LRRC57: variants seen among roughly 807,000 people sequenced by gnomAD.
The protein encoded by LRRC57 is leucine rich repeat containing 57.
Under a neutral mutation model 23.1 loss-of-function variants are expected in LRRC57, and 14 were observed. The observed-to-expected ratio is 0.61, with a 90% CI of 0.40 to 0.95. The LOEUF (loss-of-function observed/expected upper bound fraction) is 0.95. Ranked by LOEUF, LRRC57 falls within the 40% of genes least tolerant of loss-of-function variation. The pLI, the probability that LRRC57 is intolerant of heterozygous loss-of-function variation, is 0.00. For missense variants in LRRC57, 236 were observed against 284.4 expected, an observed-to-expected ratio of 0.83 and a Z score of 1.22; for synonymous variants, 106 against 115.2, an observed-to-expected ratio of 0.92 and a Z score of 0.51.
At chr15:42,528,412 C>T in the LRRC57 span, 6 of 1,614,076 alleles carry the variant, frequency 3.7e-6, no homozygotes, top group South Asian at 1.1e-5. Context: ...GTGGTGGATA[C>T]ATTAAACGGT....
chr15:42,529,106 C>T, the LRRC57 span, among the ~76,000 whole-genome samples: 1 of 152,208 alleles, frequency 6.6e-6, no homozygotes, highest in South Asian at 2.1e-4. Context: ...TCAGGCCATA[C>T]AGTCCCTTGC....
the LRRC57 span, chr15:42,529,922 C>T: frequency 2.4e-6 from 3 of 1,269,640 alleles, no homozygotes; most frequent in South Asian, 4.4e-5. Context: ...GAATAAGCTC[C>T]TGTCCTCATA....
chr15:42,544,842 C>CTATATATATATATATATATATATA (rs143066320), intron 5 of LRRC57, among the ~76,000 whole-genome samples: 52 of 98,030 alleles, frequency 5.3e-4, no homozygotes, highest in African/African-American at 3.3e-3. Flanking sequence ...CACACACACA[C>CTATATATATATATATATATATATA]TATATATATA....
the LRRC57 span, chr15:42,531,515 C>T: frequency 1.1e-5 from 16 of 1,480,450 alleles, no homozygotes; most frequent in Admixed American, 5.4e-5. Flanking sequence ...TATTCACTTC[C>T]GTAGCTCCTC....
chr15:42,534,811 CT>C (rs1387397817), downstream of LRRC57, among the ~76,000 whole-genome samples: 2 of 152,104 alleles, frequency 1.3e-5, no homozygotes, highest in Non-Finnish European at 2.9e-5. Flanking sequence ...GAAAAGAATA[CT>C]TTTTTTTCTG....
downstream of LRRC57, among the ~76,000 whole-genome samples, chr15:42,534,393 T>C (rs1360698570): frequency 6.6e-6 from 1 of 152,098 alleles, no homozygotes; most frequent in Non-Finnish European, 1.5e-5. Flanking sequence ...CCTCCGAAAG[T>C]GCTGGGGTTA....
downstream of LRRC57, among the ~76,000 whole-genome samples, chr15:42,537,239 A>T (rs890179350): frequency 1.5e-4 from 23 of 149,118 alleles, no homozygotes; most frequent in East Asian, 1.2e-3. Context: ...TCTCTCACAC[A>T]CACACACACA....
chr15:42,542,122 C>T lies in LRRC57; in HGVS notation c.*1961G>A, dbSNP rs1339941061. 1.3e-5 allele frequency: 2 copies of T among 150,628 alleles called. No homozygotes were observed. Among genetic ancestry groups the T allele is most frequent in the African/African-American group, 4.9e-5 (2 of 40,730 alleles). 9.3% of individuals were successfully genotyped at this position (150,628 alleles called of 1,614,324 possible). On this transcript the variant is annotated 3_prime_UTR_variant, in exon 6 of 6. Coordinates refer to ENST00000397130, the MANE Select transcript of LRRC57 (RefSeq NM_153260.3). ...CCAGGCTGGAGTTCAATGGCACCCT[C>T]ACTGCAAGCTCCGCCTCCCGGTTTC...
At chr15:42,544,840 C>CTATATATATATATAT (rs1167773259) in intron 5 of LRRC57, among the ~76,000 whole-genome samples, 8 of 108,980 alleles carry the variant, frequency 7.3e-5, no homozygotes, top group African/African-American at 4.0e-4. Context: ...CACACACACA[C>CTATATATATATATAT]ACTATATATA....
chr15:42,547,719 C>G (rs899914694), intron 3 of LRRC57, 190 bp from the exon 4 acceptor site: 1 of 614,178 alleles, frequency 1.6e-6, no homozygotes, highest in South Asian at 2.2e-5. Flanking sequence ...ATCAAAATGC[C>G]GGAGAGCATT....
chr15:42,529,842 A>G, the LRRC57 span: 15 of 1,608,972 alleles, frequency 9.3e-6, no homozygotes, highest in African/African-American at 1.9e-4. Flanking sequence ...TATTGCCACA[A>G]GAAAATGAGA....
the LRRC57 span, among the ~76,000 whole-genome samples, chr15:42,531,080 G>C: frequency 6.6e-6 from 1 of 152,162 alleles, no homozygotes; most frequent in Non-Finnish European, 1.5e-5. Context: ...CTTTAACAGA[G>C]AAGAGCACTC....
Position 42,548,181 on chromosome 15 carries a change from T to C in LRRC57, c.148A>G (p.Ile50Val). ...ATCAGCAAAGGCGGTAGGCTTTCGA[T>C]CTTGTTGTTGGACAAGTCGATGGTC... ...LRTIDLSNNK[I>V]ESLPPLLIGK... Residue 50 changes from isoleucine to valine, a missense_variant, in exon 3 of 6, where the codon ATC (isoleucine) becomes GTC (valine). Ile to Val is a conservative substitution (Grantham distance 29). Coordinates refer to ENST00000397130, the MANE Select transcript of LRRC57 (RefSeq NM_153260.3). The C allele has an allele frequency of 1.2e-6, 2 of 1,614,228 alleles. No homozygotes were observed. Among genetic ancestry groups the C allele is most frequent in the Non-Finnish European group, 1.7e-6 (2 of 1,180,042 alleles).
At chr15:42,528,502 C>A in the LRRC57 span, 1 of 1,258,478 alleles carries the variant, frequency 7.9e-7, no homozygotes, top group Non-Finnish European at 1.1e-6. Flanking sequence ...TACATGACCC[C>A]TAATAAAACA....
At chr15:42,544,167 GTAAA>G in intron 5 of LRRC57, 43 bp from the exon 6 acceptor site, 1 of 1,493,558 alleles carries the variant, frequency 6.7e-7, no homozygotes, top group East Asian at 2.3e-5. Context: ...TTTGGCATGA[GTAAA>G]TAAATATAAG....
downstream of LRRC57, among the ~76,000 whole-genome samples, chr15:42,533,680 C>A (rs2057585051): frequency 1.3e-5 from 2 of 152,202 alleles, no homozygotes; most frequent in South Asian, 4.1e-4. Flanking sequence ...AATTTTCACT[C>A]TAGCTGAAGT....
At chr15:42,537,233 T>TCTCACACACACACA (rs1166056089), downstream of LRRC57, among the ~76,000 whole-genome samples, 3 of 136,504 alleles carry the variant, frequency 2.2e-5, no homozygotes, top group African/African-American at 9.1e-5. Context: ...TCTCTCTCTC[T>TCTCACACACACACA]CACACACACA....
chr15:42,543,878 T>C lies in LRRC57; in HGVS notation c.*205A>G, dbSNP rs1408298167. ...TACTCATGACTCAAAACGGAAGACT[T>C]TTCCTGTCTCCTGATCCTTTTTCTT... is the stretch of plus-strand genomic sequence containing the variant. On this transcript the variant is annotated 3_prime_UTR_variant, in exon 6 of 6. Transcript: ENST00000397130. 1.3e-5 allele frequency: 6 copies of C among 457,238 alleles called. No homozygotes were observed. Among genetic ancestry groups the C allele is most frequent in the East Asian group, 3.0e-5 (1 of 33,096 alleles). 28.3% of individuals were successfully genotyped at this position (457,238 alleles called of 1,614,324 possible). A position where few individuals can be genotyped will look rare whatever the true frequency, so the allele number is the denominator to read the frequency against.
chr15:42,531,698 G>T, the LRRC57 span: 5 of 401,568 alleles, frequency 1.2e-5, no homozygotes, highest in Admixed American at 2.3e-4. Context: ...CAATTCATAC[G>T]CTTAGATTGG....
Sources: gnomAD v4.1 joint callset for allele counts (sites outside exome capture counted in the v4.1 genomes callset) on GRCh38, gnomAD v4.1.1 for gene constraint, MANE v1.5 for transcripts, NCBI Gene and HGNC (gene_info 2026-07-23, HGNC 2026-07-21) for gene names.